Variants in ME1 observed in about 807,000 individuals in gnomAD.
ME1 encodes the protein malic enzyme 1, also known as NADP-dependent malic enzyme.
In ME1, 74 loss-of-function variants were observed where a neutral mutation model predicts 66.4. The ratio of observed to expected loss-of-function variants is 1.11; its 90% CI spans 0.92 to 1.35. ME1 has a LOEUF of 1.35. ME1 is among the 40% of genes most tolerant of loss of function. The pLI, the probability that ME1 is intolerant of heterozygous loss-of-function variation, is 0.00. For synonymous variants in ME1, 251 were observed against 235.6 expected (o/e 1.07, Z -0.60); for missense variants, 750 against 694.1 (o/e 1.08, Z -0.90).
At chr6:83,343,861 T>C (rs1186726353) in intron 5 of ME1, among the ~76,000 whole-genome samples, 5 of 152,236 alleles carry the variant, frequency 3.3e-5, no homozygotes, top group Non-Finnish European at 5.9e-5. Flanking sequence ...AACTCTTTCA[T>C]ATAATACAAT....
intron 6 of ME1, among the ~76,000 whole-genome samples, chr6:83,282,815 T>C (rs1355784544): frequency 6.6e-6 from 1 of 152,184 alleles, no homozygotes; most frequent in African/African-American, 2.4e-5. Flanking sequence ...CACATGTATG[T>C]TTGCTGCAGC....
At chr6:83,250,294 T>A (rs1489692588) in intron 7 of ME1, among the ~76,000 whole-genome samples, 1 of 151,094 alleles carries the variant, frequency 6.6e-6, no homozygotes, top group Non-Finnish European at 1.5e-5. Context: ...TTTAAGGCTA[T>A]TACATATATT....
At chr6:83,314,300 T>C (rs1767984678) in intron 6 of ME1, among the ~76,000 whole-genome samples, 1 of 152,184 alleles carries the variant, frequency 6.6e-6, no homozygotes, top group African/African-American at 2.4e-5. Flanking sequence ...TGCTCCAAAA[T>C]CTGAAACATT....
At chr6:83,318,683 GA>G (rs1238343330) in intron 5 of ME1, among the ~76,000 whole-genome samples, 1 of 25,796 alleles carries the variant, frequency 3.9e-5, no homozygotes, top group Non-Finnish European at 8.5e-5. Flanking sequence ...GGAGAAATAG[GA>G]ACACTTTTAC....
chr6:83,253,884 T>C (rs1029427144), intron 6 of ME1, 146 bp from the exon 7 acceptor site: 3 of 517,226 alleles, frequency 5.8e-6, no homozygotes, highest in Non-Finnish European at 6.9e-6. Flanking sequence ...TGTAATATAA[T>C]ATCTGTTCAG....
chr6:83,300,717 A>G (rs1338365396), intron 6 of ME1, among the ~76,000 whole-genome samples: 1 of 147,104 alleles, frequency 6.8e-6, no homozygotes, highest in Admixed American at 7.0e-5. Flanking sequence ...AAAGGATTGC[A>G]AATCATGCTG....
chr6:83,230,123 G>A (rs1277852430), intron 9 of ME1, among the ~76,000 whole-genome samples: 1 of 147,218 alleles, frequency 6.8e-6, no homozygotes, highest in Non-Finnish European at 1.5e-5. Flanking sequence ...ACCATGCCAG[G>A]CTCTGTTTTT....
At chr6:83,273,176 C>CAAAAAAAAAAAAAAAAAAAA (rs67482208) in intron 6 of ME1, among the ~76,000 whole-genome samples, 1 of 70,182 alleles carries the variant, frequency 1.4e-5, no homozygotes, top group African/African-American at 5.1e-5. Flanking sequence ...GACTCTGCCT[C>CAAAAAAAAAAAAAAAAAAAA]AAAAAAAAAA....
intron 13 of ME1, among the ~76,000 whole-genome samples, chr6:83,214,673 C>A (rs749027779): frequency 6.6e-6 from 1 of 152,122 alleles, no homozygotes; most frequent in Non-Finnish European, 1.5e-5. Flanking sequence ...CAACCTCACC[C>A]ACTCCTAGAT....
chr6:83,392,312 A>G (rs1443990802), intron 3 of ME1: 13 of 514,864 alleles, frequency 2.5e-5, no homozygotes, highest in South Asian at 1.5e-4. Context: ...CACTGTCTAC[A>G]TGTTCCAGTA....
chr6:83,271,013 G>A (rs1189042388), intron 6 of ME1, among the ~76,000 whole-genome samples: 3 of 148,728 alleles, frequency 2.0e-5, no homozygotes, highest in Non-Finnish European at 4.5e-5. Context: ...TTGTGGCTAG[G>A]TGAAGGAGTA....
At chr6:83,407,719 A>G in intron 2 of ME1, 49 bp downstream of exon 2, 2 of 1,470,406 alleles carry the variant, frequency 1.4e-6, no homozygotes, top group Non-Finnish European at 1.8e-6. Context: ...AAAATAAACT[A>G]GACAACTGCA....
chr6:83,423,217 A>G (rs1770305078), intron 1 of ME1, among the ~76,000 whole-genome samples: 1 of 150,876 alleles, frequency 6.6e-6, no homozygotes, highest in Admixed American at 6.6e-5. Context: ...TTAGGTCTTA[A>G]AGGGAAAGAA....
intron 3 of ME1, among the ~76,000 whole-genome samples, chr6:83,398,155 T>C (rs1040992860): frequency 6.6e-6 from 1 of 152,156 alleles, no homozygotes; most frequent in Non-Finnish European, 1.5e-5. Flanking sequence ...TCACCACAAA[T>C]AAATGATATG....
In ME1 at chr6:83,346,250, C is replaced by T. The variant is rs1381333172; in HGVS notation, c.523G>A (p.Ala175Thr). The T allele has an allele frequency of 9.9e-6, 16 of 1,613,328 alleles. No homozygotes were observed. The highest frequency in any genetic ancestry group is 1.2e-5 in the Non-Finnish European group (14 of 1,179,572). Residue 175 changes from alanine (A) to threonine (T), a missense_variant, in exon 5 of 14, where the codon GCT (alanine) becomes ACT (threonine). Coordinates refer to ENST00000369705, the MANE Select transcript of ME1 (RefSeq NM_002395.6). ...ATCCCTCCGCAAGCTGTATATAGAG[C>T]CAATTTACCCACAGGGATGCCCATT... ...NGMGIPVGKLALYTACGGMNP... is the reference protein window; with the variant it reads ...NGMGIPVGKLTLYTACGGMNP...
intron 6 of ME1, among the ~76,000 whole-genome samples, chr6:83,283,222 C>T (rs1254550452): frequency 1.1e-4 from 6 of 55,534 alleles, no homozygotes; most frequent in Non-Finnish European, 1.7e-4. Flanking sequence ...AGCAAGACTC[C>T]GTCTCAAAAA....
At chr6:83,357,900 CCCCTCTCTCT>C (rs1255974681) in intron 3 of ME1, among the ~76,000 whole-genome samples, 31 of 56,194 alleles carry the variant, frequency 5.5e-4, no homozygotes, top group African/African-American at 2.3e-3. Flanking sequence ...TTAATAAACT[CCCCTCTCTCT>C]CTCTCTCTCT....
At chr6:83,398,567 G>T (rs773281904) in intron 2 of ME1, 51 bp from the exon 3 acceptor site, 2 of 930,960 alleles carry the variant, frequency 2.1e-6, no homozygotes, top group South Asian at 1.8e-5. Context: ...TCATGAAATA[G>T]CTACTTAGAA....
chr6:83,267,425 T>C (rs558604221), intron 6 of ME1, among the ~76,000 whole-genome samples: 2 of 152,226 alleles, frequency 1.3e-5, no homozygotes, highest in Admixed American at 6.5e-5. Flanking sequence ...TACTCAGGTT[T>C]TGAAAAAGTC....
Sources: allele counts gnomAD v4.1 joint callset (sites outside exome capture counted in the v4.1 genomes callset), GRCh38; gene constraint gnomAD v4.1.1; transcripts MANE v1.5; gene names NCBI Gene and HGNC (gene_info 2026-07-23, HGNC 2026-07-21).